The following NCALD variants were observed in gnomAD, a reference collection of about 807,000 sequenced individuals.
The protein encoded by NCALD is neurocalcin-delta.
A neutral mutation model predicts 18.6 loss-of-function variants in NCALD; 10 were observed. That is an observed-to-expected ratio of 0.54 (90% confidence interval 0.33 to 0.91). NCALD has a LOEUF of 0.91. Ranked by LOEUF, NCALD falls within the 40% of genes least tolerant of loss-of-function variation. The probability of loss-of-function intolerance (pLI) is 0.03; values close to 1 mark genes in which losing one functional copy is unlikely to be tolerated. For missense variants in NCALD, 184 were observed against 247.6 expected (o/e 0.74, Z 1.72); for synonymous variants, 88 against 87.4 (o/e 1.01, Z -0.04).
At chr8:102,115,940 G>A (rs1213289779) in intron 1 of NCALD, among the ~76,000 whole-genome samples, 1 of 149,658 alleles carries the variant, frequency 6.7e-6, no homozygotes, top group Non-Finnish European at 1.5e-5. Flanking sequence ...ACTGGCTTCT[G>A]ACAGCCTCTT....
chr8:101,782,306 C>T (rs887342084), intron 1 of NCALD, among the ~76,000 whole-genome samples: 1 of 151,994 alleles, frequency 6.6e-6, no homozygotes, highest in African/African-American at 2.4e-5. Context: ...AATGGCTACT[C>T]ACACCTACGG....
intron 2 of NCALD, among the ~76,000 whole-genome samples, chr8:101,926,192 G>A (rs900739937): frequency 2.0e-5 from 3 of 152,176 alleles, no homozygotes; most frequent in Admixed American, 6.5e-5. Flanking sequence ...CATCAGCAGC[G>A]GCAGGACCTT....
At chr8:101,697,258 C>T (rs1563664236) in intron 2 of NCALD, among the ~76,000 whole-genome samples, 1 of 152,108 alleles carries the variant, frequency 6.6e-6, no homozygotes, top group Non-Finnish European at 1.5e-5. Flanking sequence ...GAAGTTAAAT[C>T]CCTGAATAGA....
chr8:101,988,175 A>AAAAAG lies in NCALD; in HGVS notation c.-157+32057_-157+32061dup, dbSNP rs1186393896. On this transcript the variant is annotated intron_variant, in intron 2 of 6. Transcript: ENST00000311028. Reference sequence around the variant, plus strand: ...GTCTCAAAAAAAAAAAAAGAAAAAAAAAAAGAAAAGAAAAGAAAAAAAAAA... The same window carrying AAAAAG: ...GTCTCAAAAAAAAAAAAAGAAAAAAAAAAAGAAAAGAAAAGAAAAGAAAAAAAAAA... Among the ~76,000 whole-genome samples, 161 of 149,668 alleles carry AAAAAG rather than the reference A, an allele frequency of 1.1e-3. 1 individual carries two copies. Among genetic ancestry groups the AAAAAG allele is most frequent in the East Asian group, 5.0e-3 (25 of 5,018 alleles).
chr8:102,119,960 A>C (rs1348426085), intron 1 of NCALD, among the ~76,000 whole-genome samples: 1 of 152,188 alleles, frequency 6.6e-6, no homozygotes, highest in Non-Finnish European at 1.5e-5. Context: ...CAGAACTTAA[A>C]ATTTCTTGAA....
intron 2 of NCALD, among the ~76,000 whole-genome samples, chr8:101,984,490 A>C (rs75503653): frequency 1.9e-4 from 29 of 152,198 alleles, no homozygotes; most frequent in Non-Finnish European, 3.5e-4. Context: ...AGCAAAAAGC[A>C]TTTGCTTAAC....
intron 2 of NCALD, among the ~76,000 whole-genome samples, chr8:101,946,414 G>A (rs182095981): frequency 4.6e-5 from 7 of 152,192 alleles, no homozygotes; most frequent in African/African-American, 1.7e-4. Context: ...TCACATAAAG[G>A]TAAAACTGAG....
At chr8:101,877,171 C>T (rs16868664) in intron 4 of NCALD, among the ~76,000 whole-genome samples, 4,803 of 152,274 alleles carry the variant, frequency 0.032, 222 homozygotes, top group African/African-American at 0.11. Context: ...TGAAGTAAAA[C>T]GCATCTACAA....
intron 4 of NCALD, among the ~76,000 whole-genome samples, chr8:101,803,542 A>G (rs1236548563): frequency 6.6e-6 from 1 of 152,240 alleles, no homozygotes; most frequent in Non-Finnish European, 1.5e-5. Flanking sequence ...CTCTTAAAGT[A>G]TATAAATAGT....
At chr8:101,856,444 A>C (rs1022136345) in intron 4 of NCALD, among the ~76,000 whole-genome samples, 1 of 151,318 alleles carries the variant, frequency 6.6e-6, no homozygotes, top group Admixed American at 6.6e-5. Flanking sequence ...AAGTGCAAAG[A>C]CTCCTTTACT....
chr8:102,089,590 A>G (rs924515562), intron 1 of NCALD, among the ~76,000 whole-genome samples: 1 of 152,168 alleles, frequency 6.6e-6, no homozygotes, highest in African/African-American at 2.4e-5. Flanking sequence ...CTTTTAGTTC[A>G]CATGACTTTA....
intron 1 of NCALD, among the ~76,000 whole-genome samples, chr8:101,730,461 C>T (rs1251537620): frequency 9.1e-6 from 1 of 110,434 alleles, no homozygotes; most frequent in Non-Finnish European, 1.6e-5. Context: ...GCCTGGGCAA[C>T]AGAGCGAGAC....
chr8:102,088,834 T>A (rs1050309042), intron 1 of NCALD, among the ~76,000 whole-genome samples: 1 of 152,248 alleles, frequency 6.6e-6, no homozygotes, highest in Non-Finnish European at 1.5e-5. Flanking sequence ...TGTTTTGCAT[T>A]GCATTATCTG....
rs11415124 is a variant in NCALD at position 101,747,718 on chromosome 8, ATTT to A, written c.-19-28073_-19-28071del. Among the ~76,000 whole-genome samples, 16 of 139,918 alleles carry A rather than the reference ATTT, an allele frequency of 1.1e-4. No homozygotes were observed. In the South Asian group the frequency reaches 3.4e-3, roughly 30 times the overall value. 91.8% of individuals were successfully genotyped at this position (139,918 alleles called of 152,430 possible). On this transcript the variant is annotated intron_variant, in intron 1 of 3. Coordinates refer to ENST00000220931, the MANE Select transcript of NCALD (RefSeq NM_032041.3). Reference sequence around the variant, plus strand: ...TTTACACTGAGCTTGAGGAAAAGTGATTTTTTTTTTTTTTTTGAGATGGAGTTT... The same window carrying A: ...TTTACACTGAGCTTGAGGAAAAGTGATTTTTTTTTTTTTGAGATGGAGTTT...
At chr8:101,962,849 T>C (rs1343989026) in intron 2 of NCALD, among the ~76,000 whole-genome samples, 1 of 152,202 alleles carries the variant, frequency 6.6e-6, no homozygotes, top group Non-Finnish European at 1.5e-5. Flanking sequence ...TCTGTGATAT[T>C]ATTTTGGGCT....
chr8:101,878,181 A>G (rs764241485), intron 4 of NCALD, among the ~76,000 whole-genome samples: 85 of 152,200 alleles, frequency 5.6e-4, no homozygotes, highest in Non-Finnish European at 9.6e-4. Context: ...AAAACTATGA[A>G]CATTCAACTG....
chr8:101,745,030 A>G (rs976052656), intron 1 of NCALD, among the ~76,000 whole-genome samples: 2 of 89,578 alleles, frequency 2.2e-5, no homozygotes, highest in Non-Finnish European at 4.0e-5. Flanking sequence ...ATCATCAAGC[A>G]TTTCTGGGGG....
chr8:101,815,297 CA>C (rs1473962678), intron 4 of NCALD, among the ~76,000 whole-genome samples: 3 of 151,930 alleles, frequency 2.0e-5, no homozygotes, highest in Non-Finnish European at 2.9e-5. Flanking sequence ...ATAGAGACCT[CA>C]AAAATAGACC....
intron 2 of NCALD, among the ~76,000 whole-genome samples, chr8:101,945,224 G>T (rs1439294347): frequency 6.6e-6 from 1 of 152,160 alleles, no homozygotes; most frequent in Non-Finnish European, 1.5e-5. Flanking sequence ...TTTCCAACAA[G>T]CATTTATTGA....
Sources: gnomAD v4.1 joint callset for allele counts (sites outside exome capture counted in the v4.1 genomes callset) on GRCh38, gnomAD v4.1.1 for gene constraint, MANE v1.5 for transcripts, NCBI Gene and HGNC (gene_info 2026-07-23, HGNC 2026-07-21) for gene names.